The following KCNIP1 variants were observed in gnomAD, a reference collection of about 807,000 sequenced individuals.
KCNIP1 encodes the protein potassium voltage-gated channel interacting protein 1, also known as A-type potassium channel modulatory protein KCNIP1.
KCNIP1 carries 18 observed loss-of-function variants against 33.0 expected under a neutral mutation model. That is an observed-to-expected ratio of 0.55 (90% CI 0.38 to 0.81). The LOEUF (loss-of-function observed/expected upper bound fraction) is 0.81. Ranked by LOEUF, KCNIP1 falls within the 30% of genes least tolerant of loss-of-function variation. KCNIP1 has a pLI of 0.00. For synonymous variants in KCNIP1, 93 were observed against 98.3 expected (o/e 0.95, Z 0.32); for missense variants, 238 against 271.6 (o/e 0.88, Z 0.87).
At chr5:170,364,231 C>G (rs1451478653) in intron 1 of KCNIP1, among the ~76,000 whole-genome samples, 3 of 152,148 alleles carry the variant, frequency 2.0e-5, no homozygotes, top group African/African-American at 7.2e-5. Context: ...GTCTCAAACT[C>G]CTAGGCTCAA....
chr5:170,425,493 C>T (rs1430079255), intron 1 of KCNIP1, among the ~76,000 whole-genome samples: 2 of 152,134 alleles, frequency 1.3e-5, no homozygotes, highest in Non-Finnish European at 2.9e-5. Context: ...CTAGGAGGCC[C>T]TTTGGGGTTC....
chr5:170,404,365 T>A (rs1425390702), intron 1 of KCNIP1, among the ~76,000 whole-genome samples: 1 of 152,168 alleles, frequency 6.6e-6, no homozygotes, highest in African/African-American at 2.4e-5. Flanking sequence ...CATCATAGGC[T>A]GTTGTATTGG....
chr5:170,366,127 T>A, intron 1 of KCNIP1, among the ~76,000 whole-genome samples: 1 of 152,248 alleles, frequency 6.6e-6, no homozygotes, highest in East Asian at 1.9e-4. Flanking sequence ...AGAGTTTTAT[T>A]CTAGGGAGAT....
chr5:170,731,513 G>A (rs1376551129), intron 5 of KCNIP1, among the ~76,000 whole-genome samples: 1 of 151,906 alleles, frequency 6.6e-6, no homozygotes, highest in Non-Finnish European at 1.5e-5. Flanking sequence ...GACCAGCCTG[G>A]GCAACATGGC....
intron 1 of KCNIP1, among the ~76,000 whole-genome samples, chr5:170,435,950 A>C (rs113436058): frequency 3.9e-5 from 6 of 152,192 alleles, no homozygotes; most frequent in African/African-American, 1.4e-4. Context: ...TTGCTGCAGC[A>C]CTGCCCCCTC....
intron 1 of KCNIP1, among the ~76,000 whole-genome samples, chr5:170,415,379 G>T (rs1407590140): frequency 6.6e-6 from 1 of 152,204 alleles, no homozygotes; most frequent in East Asian, 1.9e-4. Flanking sequence ...TCTTTGCTGT[G>T]GGGGGACTCT....
chr5:170,368,411 C>A (rs948537725), intron 1 of KCNIP1, among the ~76,000 whole-genome samples: 13 of 151,974 alleles, frequency 8.6e-5, no homozygotes, highest in Non-Finnish European at 1.5e-4. Context: ...ACTACAGGTG[C>A]CGGCCACCAC....
At chr5:170,517,950 G>A (rs898509569) in intron 1 of KCNIP1, among the ~76,000 whole-genome samples, 6 of 150,100 alleles carry the variant, frequency 4.0e-5, no homozygotes, top group African/African-American at 1.0e-4. Context: ...TGGTAGTGAC[G>A]GTGGTGGTGG....
intron 1 of KCNIP1, among the ~76,000 whole-genome samples, chr5:170,543,513 G>A (rs1756292309): frequency 6.6e-6 from 1 of 152,160 alleles, no homozygotes; most frequent in Admixed American, 6.5e-5. Flanking sequence ...TGTTGACTTT[G>A]GGGGAGGCAT....
chr5:170,625,171 C>T (rs755313847), intron 1 of KCNIP1, among the ~76,000 whole-genome samples: 2 of 152,274 alleles, frequency 1.3e-5, no homozygotes, highest in Admixed American at 6.5e-5. Flanking sequence ...GCCCCTTAAA[C>T]CTGCTCACCT....
At chr5:170,618,086 G>GTTT in intron 1 of KCNIP1, among the ~76,000 whole-genome samples, 1 of 152,196 alleles carries the variant, frequency 6.6e-6, no homozygotes, top group Non-Finnish European at 1.5e-5. Flanking sequence ...GGAGATGGGA[G>GTTT]CATTTCTGCT....
At chr5:170,432,027 TCTCTTTCTC>T (rs1409837763) in intron 1 of KCNIP1, among the ~76,000 whole-genome samples, 1 of 149,460 alleles carries the variant, frequency 6.7e-6, no homozygotes, top group Non-Finnish European at 1.5e-5. Flanking sequence ...TCTGTGTCTC[TCTCTTTCTC>T]TTTTTTTTTT....
At chr5:170,400,035 G>A (rs1213585267) in intron 1 of KCNIP1, among the ~76,000 whole-genome samples, 1 of 152,186 alleles carries the variant, frequency 6.6e-6, no homozygotes, top group Non-Finnish European at 1.5e-5. Flanking sequence ...GCTCAGACAG[G>A]TGCAGTGATT....
At chr5:170,647,013 A>G (rs943898870) in intron 1 of KCNIP1, among the ~76,000 whole-genome samples, 8 of 152,198 alleles carry the variant, frequency 5.3e-5, no homozygotes, top group African/African-American at 1.9e-4. Flanking sequence ...ATATCCCAAA[A>G]TGAAATACTT....
chr5:170,408,918 G>C (rs1423998685), intron 1 of KCNIP1, among the ~76,000 whole-genome samples: 4 of 152,198 alleles, frequency 2.6e-5, no homozygotes, highest in East Asian at 1.9e-4. Context: ...AAACATTTCA[G>C]TCCTGGAACA....
At chr5:170,701,539 C>T (rs895342143) in intron 1 of KCNIP1, among the ~76,000 whole-genome samples, 5 of 152,212 alleles carry the variant, frequency 3.3e-5, no homozygotes, top group Non-Finnish European at 7.3e-5. Context: ...TTAATCCCAG[C>T]TCATTCATCC....
chr5:170,502,177 A>C (rs1326374833), upstream of KCNIP1, among the ~76,000 whole-genome samples: 1 of 152,226 alleles, frequency 6.6e-6, no homozygotes, highest in Non-Finnish European at 1.5e-5. Context: ...GCACCTGCTT[A>C]ATTCACAGGG....
intron 3 of KCNIP1, 59 bp downstream of exon 3, chr5:170,720,449 T>C: frequency 7.7e-7 from 1 of 1,298,580 alleles, no homozygotes; most frequent in African/African-American, 1.5e-5. Context: ...CAGCCTTCCC[T>C]TCCTCCAAGT....
rs537778663 is a variant in KCNIP1 at position 170,370,109 on chromosome 5, G to A, written c.88+16145G>A. ...AATGAAGCAAGAGGGGAGAGAGAGA[G>A]GGAGGTGAGGCAGTCATCAATCAGG... On this transcript the variant is annotated intron_variant, in intron 1 of 7. Coordinates refer to the KCNIP1 transcript ENST00000377360. Among the ~76,000 whole-genome samples, 49 of 152,170 alleles carry A rather than the reference G, an allele frequency of 3.2e-4. No homozygotes were observed. In the South Asian group the frequency reaches 9.4e-3, roughly 29 times the overall value.
Sources: allele counts gnomAD v4.1 joint callset (sites outside exome capture counted in the v4.1 genomes callset), GRCh38; gene constraint gnomAD v4.1.1; transcripts MANE v1.5; gene names NCBI Gene and HGNC (gene_info 2026-07-23, HGNC 2026-07-21).